The following ATP13A3 variants were observed in gnomAD, a reference collection of about 807,000 sequenced individuals.
ATP13A3 encodes the protein polyamine-transporting ATPase 13A3.
ATP13A3 carries 59 observed loss-of-function variants against 158.1 expected under a neutral mutation model. The observed-to-expected ratio is 0.37, with a 90% CI of 0.30 to 0.46. The LOEUF (loss-of-function observed/expected upper bound fraction) is 0.46, where lower values mean the gene tolerates loss of function less well. ATP13A3 is among the 20% of genes least tolerant of loss of function. The pLI, the probability that ATP13A3 is intolerant of heterozygous loss-of-function variation, is 1.00. For synonymous variants in ATP13A3, 491 were observed against 504.3 expected, an observed-to-expected ratio of 0.97 and a Z score of 0.35; for missense variants, 1,166 against 1,525.2, an observed-to-expected ratio of 0.76 and a Z score of 3.92.
chr3:194,487,603 C>T (rs1008299716), upstream of ATP13A3: 5 of 152,416 alleles, frequency 3.3e-5, no homozygotes, highest in African/African-American at 1.2e-4. Flanking sequence ...GACGGGAAGG[C>T]GCCTCTTCCG....
chr3:194,473,466 T>C (rs6769003), intron 2 of ATP13A3, among the ~76,000 whole-genome samples: 24,640 of 150,416 alleles, frequency 0.16, 2,080 homozygotes, highest in South Asian at 0.28. Flanking sequence ...GGTAAGACAT[T>C]ATTTGCCCAT....
At chr3:194,463,171 G>A (rs112444187) in intron 2 of ATP13A3, among the ~76,000 whole-genome samples, 8 of 152,158 alleles carry the variant, frequency 5.3e-5, no homozygotes, top group African/African-American at 1.9e-4. Context: ...CTACTGGAGA[G>A]CACTCAGCTG....
chr3:194,493,962 AT>A (rs1363678607), intron 2 of ATP13A3: 1 of 390,592 alleles, frequency 2.6e-6, no homozygotes, highest in African/African-American at 2.1e-5. Context: ...CTGCTTACAA[AT>A]TGAGGAAGAT....
At chr3:194,419,739 TA>T in intron 31 of ATP13A3, 139 bp downstream of exon 31, 1 of 1,333,330 alleles carries the variant, frequency 7.5e-7, no homozygotes. Context: ...CTATTTTCAT[TA>T]GGTTCTTTAT....
intron 28 of ATP13A3, among the ~76,000 whole-genome samples, chr3:194,427,694 A>T (rs1167554689): frequency 6.6e-6 from 1 of 151,144 alleles, no homozygotes; most frequent in East Asian, 1.9e-4. Flanking sequence ...ATTTTAAATT[A>T]AAAAATAGTA....
chr3:194,436,261 A>G (rs1199352927), intron 20 of ATP13A3, among the ~76,000 whole-genome samples: 1 of 152,194 alleles, frequency 6.6e-6, no homozygotes, highest in East Asian at 1.9e-4. Context: ...CAAAAATGCT[A>G]TCCTCCAAGG....
In ATP13A3 at chr3:194,419,911, A is replaced by G. The variant is rs1139263; in HGVS notation, c.3370T>C (p.Tyr1124His). 6.4e-7 allele frequency: 1 copy of G among 1,558,650 alleles called. No homozygotes were observed. Among genetic ancestry groups the G allele is most frequent in the Non-Finnish European group, 8.6e-7 (1 of 1,162,936 alleles). ...LYIFILFIML[Y>H]PVASVDQVLQ... ...ACCTGGTCAACAGAGGCAACTGGATACAACATGATGAATAATATAAAAATA... is the reference window on the plus strand; with the variant it reads ...ACCTGGTCAACAGAGGCAACTGGATGCAACATGATGAATAATATAAAAATA... The change falls in exon 31 of 34, where the codon TAT becomes CAT. Residue 1124 changes from tyrosine to histidine, a missense_variant. Transcript: ENST00000645319.
chr3:194,464,052 T>G (rs1194863708), intron 2 of ATP13A3, among the ~76,000 whole-genome samples: 1 of 152,036 alleles, frequency 6.6e-6, no homozygotes, highest in Non-Finnish European at 1.5e-5. Flanking sequence ...TCCCAGCTAC[T>G]CAGGAGGCTG....
chr3:194,437,587 A>G lies in ATP13A3; in HGVS notation c.1828-14T>C. On this transcript the variant is annotated splice_polypyrimidine_tract_variant and intron_variant, in intron 17 of 33. Coordinates refer to ENST00000645319, the MANE Select transcript of ATP13A3 (RefSeq NM_001367549.1). ...TTCAAACAGCTCCTAAAAACGAAAC[A>G]AAACAAGAAAAAATAGTACAGATTA... is the stretch of plus-strand genomic sequence containing the variant. 1 of 1,593,456 alleles carries G rather than the reference A, an allele frequency of 6.3e-7. No homozygotes were observed.
intron 2 of ATP13A3, among the ~76,000 whole-genome samples, chr3:194,466,731 G>A (rs1720010478): frequency 1.3e-5 from 2 of 152,100 alleles, no homozygotes; most frequent in African/African-American, 4.8e-5. Flanking sequence ...CATGCCTATA[G>A]TCTCAGCTAC....
At chr3:194,420,483 GT>G in intron 30 of ATP13A3, 1 of 152,326 alleles carries the variant, frequency 6.6e-6, no homozygotes, top group South Asian at 2.1e-4. Flanking sequence ...AAATGTAAAT[GT>G]ATTTCTAGTA....
intron 2 of ATP13A3, among the ~76,000 whole-genome samples, chr3:194,478,170 T>G (rs948110270): frequency 6.6e-6 from 1 of 152,080 alleles, no homozygotes; most frequent in Admixed American, 6.6e-5. Flanking sequence ...TATTGCCAAT[T>G]TGATTTCATA....
rs926499562 is a variant in ATP13A3 at position 194,494,264 on chromosome 3, G to A, written n.532C>T. ...TCCTCAGCCCCTCACAGCACACAGC[G>A]GTAGTCAGAAAGTATGCTGAGTAAG... On this transcript the variant is annotated non_coding_transcript_exon_variant, in exon 2 of 33. Transcript: ENST00000687055. This position sits in a 1 kb window ranked among gnomAD's most constrained non-coding sequence, Gnocchi z 4.2. 7 of 398,466 alleles carry A rather than the reference G, an allele frequency of 1.8e-5. No individual in the cohort carries two copies. The highest frequency in any genetic ancestry group is 8.8e-5 in the Admixed American group (2 of 22,712). 24.7% of individuals were successfully genotyped at this position (398,466 alleles called of 1,614,324 possible). A position where few individuals can be genotyped will look rare whatever the true frequency, so the allele number is the denominator to read the frequency against.
In ATP13A3 at chr3:194,441,361, C is replaced by T. The variant is rs1483707699; in HGVS notation, c.1660G>A (p.Val554Met). 3 of 1,613,796 alleles carry T rather than the reference C, an allele frequency of 1.9e-6. No homozygotes were observed. The highest frequency in any genetic ancestry group is 3.3e-5 in the Admixed American group (2 of 60,018). Residue 554 changes from valine (V) to methionine (M), a missense_variant, in exon 16 of 34, where the codon GTG becomes ATG. Physicochemically the swap from Val to Met is conservative, Grantham distance 21. Around this residue, in one of 3 missense-constraint regions of ATP13A3, gnomAD observed 997 missense variants for 1,341.2 expected, o/e 0.74. Transcript: ENST00000645319. Reference protein sequence around the residue: ...TCHSLTKIEGVLSGDPLDLKM... With the variant: ...TCHSLTKIEGMLSGDPLDLKM... Reference sequence around the variant, plus strand: ...AGATCAAGTGGATCACCAGAGAGCACTCCTTCAATTTTTGTAAGTGAATGA... The same window carrying T: ...AGATCAAGTGGATCACCAGAGAGCATTCCTTCAATTTTTGTAAGTGAATGA...
chr3:194,492,904 A>G (rs543717833), intron 2 of ATP13A3, among the ~76,000 whole-genome samples: 2 of 152,290 alleles, frequency 1.3e-5, no homozygotes, highest in Admixed American at 1.3e-4. Flanking sequence ...TGAAAAAATA[A>G]TGGTTGTTTA....
rs1203986058 is a variant in ATP13A3, at chr3:194,455,877, C to A, written c.630+16G>T. The A allele has an allele frequency of 2.1e-6, 3 of 1,424,258 alleles. No homozygotes were observed. The highest frequency in any genetic ancestry group is 2.9e-6 in the Non-Finnish European group (3 of 1,032,814). The allele number at this position is 1,424,258 out of a possible 1,614,324, so 88.2% of individuals were successfully genotyped here. ...TTGATCATGACTGTTAAGTTATATA[C>A]AATCAATAGTCTTACCTCTTTAATT... On this transcript the variant is annotated intron_variant, in intron 8 of 33. Coordinates refer to ENST00000645319, the MANE Select transcript of ATP13A3 (RefSeq NM_001367549.1).
In ATP13A3 at chr3:194,421,137, GTATATATA is replaced by G. The variant is rs1553796331; in HGVS notation, c.3314-1178_3314-1171del. Among the ~76,000 whole-genome samples the G allele has an allele frequency of 2.1e-3, 15 of 7,174 alleles. 2 individuals carry two copies. Among genetic ancestry groups the G allele is most frequent in the African/African-American group, 0.016 (13 of 800 alleles). 4.7% of individuals were successfully genotyped at this position (7,174 alleles called of 152,430 possible). A position where few individuals can be genotyped will look rare whatever the true frequency, so the allele number is the denominator to read the frequency against. On this transcript the variant is annotated intron_variant, in intron 30 of 33. Transcript: ENST00000645319. Reference sequence around the variant, plus strand: ...GTGTATATATATATATATATATATAGTATATATATATATATATATATATATATATATAG... The same window carrying G: ...GTGTATATATATATATATATATATAGTATATATATATATATATATATATAG...
chr3:194,417,797 C>T (rs1466506371), intron 31 of ATP13A3, among the ~76,000 whole-genome samples: 1 of 151,870 alleles, frequency 6.6e-6, no homozygotes, highest in African/African-American at 2.4e-5. Flanking sequence ...ATTTTTATTA[C>T]AAAAAATTTT....
In ATP13A3 at chr3:194,405,868, C is replaced by A. The variant is rs1714890779; in HGVS notation, c.*51G>T. The stretch of plus-strand genomic sequence containing the variant: ...ACACAGGATCAGAAACTCCTAAAAT[C>A]ACATATTCCTGAATACTGCTATCAG... On this transcript the variant is annotated 3_prime_UTR_variant, in exon 34 of 34. Coordinates refer to ENST00000645319, the MANE Select transcript of ATP13A3 (RefSeq NM_001367549.1). The A allele has an allele frequency of 1.3e-5, 20 of 1,584,234 alleles. No individual in the cohort carries two copies. Among genetic ancestry groups the A allele is most frequent in the Non-Finnish European group, 1.2e-5 (14 of 1,153,850 alleles).
Sources: gnomAD v4.1 joint callset for allele counts (sites outside exome capture counted in the v4.1 genomes callset) on GRCh38, gnomAD v4.1.1 for gene constraint, gnomAD v4.1.1 regional missense constraint, Gnocchi (gnomAD v3.1) non-coding constraint, MANE v1.5 for transcripts, NCBI Gene and HGNC (gene_info 2026-07-23, HGNC 2026-07-21) for gene names.